The following ABCC9 variants were observed in gnomAD, a reference collection of about 807,000 sequenced individuals.
ABCC9 encodes ATP-binding cassette sub-family C member 9.
ABCC9 carries 95 observed loss-of-function variants against 188.3 expected under a neutral mutation model. The ratio of observed to expected loss-of-function variants is 0.50; its 90% CI spans 0.43 to 0.60. The LOEUF (loss-of-function observed/expected upper bound fraction) is 0.60, where lower values mean the gene tolerates loss of function less well. Among genes scored for constraint, ABCC9 ranks in the 20% least tolerant of loss-of-function variants. ABCC9 has a pLI of 0.00. For missense variants in ABCC9, 1,102 were observed against 1,876.3 expected (o/e 0.59, Z 7.62); for synonymous variants, 659 against 652.7 (o/e 1.01, Z -0.15).
chr12:21,901,759 C>G (rs2137801153), intron 12 of ABCC9, among the ~76,000 whole-genome samples: 1 of 152,210 alleles, frequency 6.6e-6, no homozygotes, highest in Admixed American at 6.5e-5. Flanking sequence ...GCTAACTATC[C>G]TAAATATATA....
intron 18 of ABCC9, among the ~76,000 whole-genome samples, chr12:21,871,923 T>C (rs1363767381): frequency 6.6e-6 from 1 of 152,226 alleles, no homozygotes; most frequent in Non-Finnish European, 1.5e-5. Context: ...ACGAGGAGTC[T>C]ACTAAGTAGG....
intron 12 of ABCC9, among the ~76,000 whole-genome samples, chr12:21,896,568 C>T (rs1296688354): frequency 6.6e-6 from 1 of 152,162 alleles, no homozygotes; most frequent in Non-Finnish European, 1.5e-5. Flanking sequence ...TTCCTTCCCA[C>T]TGCCCTCCTC....
intron 29 of ABCC9, among the ~76,000 whole-genome samples, chr12:21,841,175 C>T (rs1944365324): frequency 6.6e-6 from 1 of 152,068 alleles, no homozygotes; most frequent in South Asian, 2.1e-4. Flanking sequence ...CTTTACTATA[C>T]TATATATAGC....
chr12:21,881,463 CTCTTT>C (rs933907599), intron 16 of ABCC9, among the ~76,000 whole-genome samples: 68 of 152,110 alleles, frequency 4.5e-4, no homozygotes, highest in African/African-American at 1.6e-3. Context: ...ATAATAGTCT[CTCTTT>C]TCTTTCAAAA....
At chr12:21,916,095 G>A (rs747895154) in intron 6 of ABCC9, among the ~76,000 whole-genome samples, 185 bp from the exon 7 acceptor site, 1 of 152,054 alleles carries the variant, frequency 6.6e-6, no homozygotes, top group Non-Finnish European at 1.5e-5. Flanking sequence ...AGATGAACTA[G>A]TTAATGCCAG....
intron 19 of ABCC9, 91 bp from the exon 20 acceptor site, chr12:21,863,145 T>C: frequency 2.4e-6 from 2 of 833,366 alleles, no homozygotes; most frequent in Non-Finnish European, 3.9e-6. Flanking sequence ...GAAATAAAAT[T>C]AGTAAACTAT....
At chr12:21,923,835 T>C in intron 5 of ABCC9, 1 of 700,530 alleles carries the variant, frequency 1.4e-6, no homozygotes, top group Non-Finnish European at 2.6e-6. Context: ...ATAGCAGCTT[T>C]TACTCTCATG....
chr12:21,861,137 A>G, intron 20 of ABCC9, 82 bp from the exon 21 acceptor site: 1 of 1,133,762 alleles, frequency 8.8e-7, no homozygotes, highest in Non-Finnish European at 1.3e-6. Flanking sequence ...ATACTTTGGA[A>G]GTTGAAATAA....
chr12:21,903,395 C>T (rs1947869925), intron 12 of ABCC9, among the ~76,000 whole-genome samples: 1 of 152,188 alleles, frequency 6.6e-6, no homozygotes, highest in South Asian at 2.1e-4. Context: ...TCTCTCATCA[C>T]TCCTATTCAG....
rs150948526 is a variant in ABCC9, at chr12:21,928,314, GGGAA to G, written c.285-2255_285-2252del. Among the ~76,000 whole-genome samples, 59 of 94,102 alleles carry G rather than the reference GGGAA, an allele frequency of 6.3e-4. 1 individual carries two copies. Among genetic ancestry groups the G allele is most frequent in the South Asian group, 3.3e-3 (6 of 1,802 alleles). 61.7% of individuals were successfully genotyped at this position (94,102 alleles called of 152,430 possible). A position where few individuals can be genotyped will look rare whatever the true frequency, so the allele number is the denominator to read the frequency against. ...AGGAAGGAAGGAAGGGAGGGTGGGA[GGGAA>G]GGAAGGAAGGAAGGAAGGAAGGGAA... On this transcript the variant is annotated intron_variant, in intron 4 of 39. Transcript: ENST00000261200.
At chr12:21,902,018 C>G (rs1278574631) in intron 12 of ABCC9, among the ~76,000 whole-genome samples, 1 of 151,280 alleles carries the variant, frequency 6.6e-6, no homozygotes, top group African/African-American at 2.4e-5. Context: ...TGAGTCACAC[C>G]TATTCCAAAA....
intron 16 of ABCC9, among the ~76,000 whole-genome samples, chr12:21,879,553 G>A (rs190196807): frequency 1.3e-5 from 2 of 152,236 alleles, no homozygotes; most frequent in East Asian, 3.9e-4. Context: ...CATTGTGAAT[G>A]TACTAAATGC....
chr12:21,911,455 T>C (rs543306961), intron 8 of ABCC9, among the ~76,000 whole-genome samples: 3 of 152,012 alleles, frequency 2.0e-5, no homozygotes, highest in Admixed American at 6.6e-5. Context: ...TAATAAATTA[T>C]AAAGTAGGTA....
At chr12:21,897,082 T>C (rs1163715880) in intron 12 of ABCC9, among the ~76,000 whole-genome samples, 1 of 152,208 alleles carries the variant, frequency 6.6e-6, no homozygotes, top group African/African-American at 2.4e-5. Context: ...CACCAGCATC[T>C]GTTGTTTCTT....
At chr12:21,803,620 A>C (rs1941633964) in intron 39 of ABCC9, among the ~76,000 whole-genome samples, 1 of 147,726 alleles carries the variant, frequency 6.8e-6, no homozygotes, top group Admixed American at 7.1e-5. Context: ...GAGCCATTGC[A>C]CTCCAGCCTG....
At chr12:21,903,999 G>A (rs1295434769) in intron 12 of ABCC9, among the ~76,000 whole-genome samples, 2 of 151,812 alleles carry the variant, frequency 1.3e-5, no homozygotes, top group Non-Finnish European at 2.9e-5. Context: ...AAGAACACCT[G>A]GAGGCATCAT....
Position 21,800,988 on chromosome 12 carries a change from T to C in ABCC9, c.*56A>G. The stretch of plus-strand genomic sequence containing the variant: ...TTACAGAGGTCAAGCTGATGATCCA[T>C]TAATTAGGTTATGACTGCATTATTT... On this transcript the variant is annotated 3_prime_UTR_variant, in exon 40 of 40. Transcript: ENST00000261200. 1 of 1,604,206 alleles carries C rather than the reference T, an allele frequency of 6.2e-7. No individual in the cohort carries two copies. The highest frequency in any genetic ancestry group is 1.7e-5 in the Admixed American group (1 of 59,874).
intron 15 of ABCC9, among the ~76,000 whole-genome samples, chr12:21,886,610 A>G (rs1946885831): frequency 6.6e-6 from 1 of 152,162 alleles, no homozygotes; most frequent in Admixed American, 6.5e-5. Context: ...ATCTTTTAAA[A>G]ATATAAACAA....
intron 12 of ABCC9, among the ~76,000 whole-genome samples, chr12:21,900,817 T>A (rs1947707290): frequency 1.3e-5 from 2 of 152,162 alleles, no homozygotes; most frequent in Admixed American, 6.5e-5. Flanking sequence ...AAAGACCAAA[T>A]CTACGTCTGA....
Sources: gnomAD v4.1 joint callset for allele counts (sites outside exome capture counted in the v4.1 genomes callset) on GRCh38, gnomAD v4.1.1 for gene constraint, MANE v1.5 for transcripts, NCBI Gene and HGNC (gene_info 2026-07-23, HGNC 2026-07-21) for gene names.